Variants in GSE1 observed in about 807,000 individuals in gnomAD.
The protein encoded by GSE1 is genetic suppressor element 1.
In GSE1, 32 loss-of-function variants were observed where a neutral mutation model predicts 112.6. The ratio of observed to expected loss-of-function variants is 0.28; its 90% CI spans 0.21 to 0.38. The LOEUF is 0.38. Among genes scored for constraint, GSE1 ranks in the 10% least tolerant of loss-of-function variants. The pLI is 1.00. For missense variants in GSE1, 2,348 were observed against 1,699.2 expected, an observed-to-expected ratio of 1.38 and a Z score of -6.71; for synonymous variants, 1,115 against 735.6, an observed-to-expected ratio of 1.52 and a Z score of -8.35.
intron 1 of GSE1, among the ~76,000 whole-genome samples, chr16:85,221,629 C>A (rs567540370): frequency 1.3e-5 from 2 of 152,194 alleles, no homozygotes; most frequent in Non-Finnish European, 2.9e-5. Flanking sequence ...CATCCCCTGA[C>A]GAGGCCAGGA....
At chr16:85,492,042 G>A (rs1007181930) in intron 2 of GSE1, among the ~76,000 whole-genome samples, 1 of 152,200 alleles carries the variant, frequency 6.6e-6, no homozygotes, top group African/African-American at 2.4e-5. Flanking sequence ...GCTGACCCCT[G>A]GACACGGGCA....
At chr16:85,487,950 A>G (rs918799794) in intron 2 of GSE1, among the ~76,000 whole-genome samples, 3 of 152,112 alleles carry the variant, frequency 2.0e-5, no homozygotes, top group East Asian at 3.9e-4. Context: ...CTAGGGCTAT[A>G]CCCCAGTGCC....
At chr16:85,339,854 A>C (rs1007573328) in intron 1 of GSE1, among the ~76,000 whole-genome samples, 4 of 152,138 alleles carry the variant, frequency 2.6e-5, no homozygotes, top group Admixed American at 6.5e-5. Context: ...GTCTTCTTTT[A>C]ACCTGAAATG....
At chr16:85,663,722 C>T in intron 11 of GSE1, 108 bp downstream of exon 11, 1 of 1,121,058 alleles carries the variant, frequency 8.9e-7, no homozygotes, top group Non-Finnish European at 1.3e-6. Flanking sequence ...GATCACTGAG[C>T]CTGAGGCTGC....
At chr16:85,555,474 G>T (rs192334664), upstream of GSE1, 648 of 985,034 alleles carry the variant, frequency 6.6e-4, 4 homozygotes, top group African/African-American at 0.011. Flanking sequence ...AGACTTGTTT[G>T]CAATCGCCGC....
chr16:85,369,754 G>C (rs1359298695), intron 2 of GSE1, among the ~76,000 whole-genome samples: 3 of 152,218 alleles, frequency 2.0e-5, no homozygotes, highest in African/African-American at 7.2e-5. Context: ...ACTCTCCCTG[G>C]CTGGGCTGAG....
At chr16:85,313,677 G>C (rs927301272) in intron 1 of GSE1, among the ~76,000 whole-genome samples, 1 of 152,182 alleles carries the variant, frequency 6.6e-6, no homozygotes, top group African/African-American at 2.4e-5. Context: ...CCAAAGTCTG[G>C]GCGGTCAGAA....
At chr16:85,429,998 C>T (rs1171289539) in intron 2 of GSE1, among the ~76,000 whole-genome samples, 2 of 152,244 alleles carry the variant, frequency 1.3e-5, no homozygotes, top group South Asian at 4.1e-4. Context: ...TAAAAACGTG[C>T]AGTAAGCACA....
chr16:85,184,176 G>C (rs1371527618), intron 1 of GSE1, among the ~76,000 whole-genome samples: 2 of 152,206 alleles, frequency 1.3e-5, no homozygotes, highest in South Asian at 2.1e-4. Context: ...GGAACAGGAA[G>C]AGTCTTGGGA....
At chr16:85,234,716 G>A (rs1242686789) in intron 1 of GSE1, among the ~76,000 whole-genome samples, 1 of 152,206 alleles carries the variant, frequency 6.6e-6, no homozygotes, top group Admixed American at 6.5e-5. Context: ...TGCTGGACCA[G>A]GGGAGAGGCT....
At chr16:85,257,735 C>T (rs1435970264) in intron 1 of GSE1, among the ~76,000 whole-genome samples, 3 of 152,320 alleles carry the variant, frequency 2.0e-5, no homozygotes, top group Non-Finnish European at 2.9e-5. Flanking sequence ...CACTTGAGCC[C>T]AGTCCTTTGA....
Position 85,665,977 on chromosome 16 carries a change from A to T in GSE1, c.2760A>T (p.Glu920Asp), listed in dbSNP as rs777724847. 5 of 1,613,052 alleles carry T rather than the reference A, an allele frequency of 3.1e-6. No homozygotes were observed. Among genetic ancestry groups the T allele is most frequent in the Non-Finnish European group, 4.2e-6 (5 of 1,179,876 alleles). The change falls in exon 13 of 16, where the codon GAA (glutamate) becomes GAT (aspartate). Residue 920 changes from glutamate to aspartate, a missense_variant and splice_region_variant. Transcript: ENST00000253458. ...TTTCCTTCACTTTGTCTCTAAAAGAACCAGCCACGCAGCAAGCCTCTCTGG... is the reference window on the plus strand; with the variant it reads ...TTTCCTTCACTTTGTCTCTAAAAGATCCAGCCACGCAGCAAGCCTCTCTGG... Reference protein sequence around the residue: ...PRDSPAVSLSEPATQQASLDV... With the variant: ...PRDSPAVSLSDPATQQASLDV...
At chr16:85,270,508 G>T (rs1219655800) in intron 1 of GSE1, among the ~76,000 whole-genome samples, 1 of 148,790 alleles carries the variant, frequency 6.7e-6, no homozygotes, top group Admixed American at 6.7e-5. Flanking sequence ...TTTTCCATTT[G>T]CATCCTCTTT....
intron 2 of GSE1, among the ~76,000 whole-genome samples, chr16:85,539,096 T>A (rs1456946713): frequency 1.3e-5 from 2 of 152,228 alleles, no homozygotes; most frequent in African/African-American, 4.8e-5. Context: ...CCCACTCCTG[T>A]AAGTGTCTTA....
intron 1 of GSE1, among the ~76,000 whole-genome samples, chr16:85,352,007 A>C (rs2046860348): frequency 3.4e-5 from 3 of 89,194 alleles, no homozygotes; most frequent in African/African-American, 6.5e-5. Context: ...AAACAAACAA[A>C]AAAAAAACCC....
chr16:85,310,469 C>T (rs1010837672), intron 1 of GSE1, among the ~76,000 whole-genome samples: 4 of 152,074 alleles, frequency 2.6e-5, no homozygotes, highest in African/African-American at 7.2e-5. Flanking sequence ...GTTTTCCTCC[C>T]TCCCTCCCCT....
At chr16:85,211,022 T>C (rs1401806242) in intron 1 of GSE1, among the ~76,000 whole-genome samples, 1 of 152,236 alleles carries the variant, frequency 6.6e-6, no homozygotes, top group East Asian at 1.9e-4. Flanking sequence ...CCACTTGACC[T>C]TGCTGGGTTG....
chr16:85,256,139 G>A (rs954207163), intron 1 of GSE1, among the ~76,000 whole-genome samples: 5 of 152,160 alleles, frequency 3.3e-5, no homozygotes, highest in Non-Finnish European at 7.3e-5. Context: ...TAAATCATGC[G>A]GTGGGGAGGG....
At chr16:85,364,705 C>T (rs2047151592) in intron 2 of GSE1, among the ~76,000 whole-genome samples, 1 of 152,180 alleles carries the variant, frequency 6.6e-6, no homozygotes, top group African/African-American at 2.4e-5. Flanking sequence ...CCGCTGTGGC[C>T]TTCCAGTGAC....
Sources: allele counts gnomAD v4.1 joint callset (sites outside exome capture counted in the v4.1 genomes callset), GRCh38; gene constraint gnomAD v4.1.1; transcripts MANE v1.5; gene names NCBI Gene and HGNC (gene_info 2026-07-23, HGNC 2026-07-21).